The following FMNL2 variants were observed in gnomAD, a reference collection of about 807,000 sequenced individuals.
The protein encoded by FMNL2 is formin like 2, also known as formin-like protein 2.
FMNL2 carries 51 observed loss-of-function variants against 130.2 expected under a neutral mutation model. That is an observed-to-expected ratio of 0.39 (90% CI 0.31 to 0.49). The LOEUF is 0.49. Ranked by LOEUF, FMNL2 falls within the 20% of genes least tolerant of loss-of-function variation. The pLI, the probability that FMNL2 is intolerant of heterozygous loss-of-function variation, is 0.85. For missense variants in FMNL2, 977 were observed against 1,316.2 expected (o/e 0.74, Z 3.99); for synonymous variants, 465 against 467.1 (o/e 1.00, Z 0.06).
chr2:152,574,514 T>G (rs1696367909), intron 6 of FMNL2, among the ~76,000 whole-genome samples: 1 of 152,064 alleles, frequency 6.6e-6, no homozygotes, highest in Non-Finnish European at 1.5e-5. Flanking sequence ...TGTATTAATA[T>G]TTCAAAGTGA....
At chr2:152,593,806 A>G (rs1378751006) in intron 9 of FMNL2, among the ~76,000 whole-genome samples, 3 of 144,638 alleles carry the variant, frequency 2.1e-5, no homozygotes, top group African/African-American at 7.6e-5. Context: ...AAGGTAATGA[A>G]TGAGAGAACA....
intron 1 of FMNL2, among the ~76,000 whole-genome samples, chr2:152,361,145 G>T (rs1683143509): frequency 6.6e-6 from 1 of 152,114 alleles, no homozygotes; most frequent in Non-Finnish European, 1.5e-5. Flanking sequence ...CATTTATATG[G>T]AAAGTACTAC....
intron 2 of FMNL2, among the ~76,000 whole-genome samples, chr2:152,539,003 A>T (rs1694157889): frequency 1.3e-5 from 2 of 152,202 alleles, no homozygotes; most frequent in Non-Finnish European, 2.9e-5. Flanking sequence ...TTGTATTAAA[A>T]GTCGAAACTG....
chr2:152,611,568 A>G lies in FMNL2; in HGVS notation c.1025A>G (p.Tyr342Cys), dbSNP rs370339645. Residue 342 changes from tyrosine (Y) to cysteine (C), a missense_variant, in exon 11 of 26, where the codon TAT (tyrosine) becomes TGT (cysteine). Tyr to Cys is a radical substitution (Grantham distance 194). Transcript: ENST00000288670. ...EDMNFRVHLQ[Y>C]EFTKLGLDEY... is the part of the protein sequence containing the mutation. ...ATGAATTTCAGAGTTCACCTGCAGT[A>G]TGAATTTACCAAATTAGGCCTGGAC... 7.9e-5 allele frequency: 127 copies of G among 1,604,452 alleles called. No individual in the cohort carries two copies. In the African/African-American group the frequency reaches 1.4e-3, roughly 18 times the overall value.
intron 9 of FMNL2, among the ~76,000 whole-genome samples, chr2:152,584,330 A>G (rs1184816768): frequency 6.6e-6 from 1 of 152,222 alleles, no homozygotes; most frequent in Non-Finnish European, 1.5e-5. Context: ...ACCAGGAAGG[A>G]GGACCAAAGA....
At chr2:152,438,275 A>T (rs1687875008) in intron 1 of FMNL2, among the ~76,000 whole-genome samples, 1 of 152,210 alleles carries the variant, frequency 6.6e-6, no homozygotes, top group Non-Finnish European at 1.5e-5. Flanking sequence ...TTTTCTAGGG[A>T]CAGTCATTCC....
chr2:152,518,497 A>C (rs993397041), intron 1 of FMNL2, among the ~76,000 whole-genome samples: 1 of 152,204 alleles, frequency 6.6e-6, no homozygotes, highest in Non-Finnish European at 1.5e-5. Flanking sequence ...CTACCTGCCC[A>C]CTTGAGTGCT....
intron 1 of FMNL2, among the ~76,000 whole-genome samples, chr2:152,430,734 A>C (rs1221875275): frequency 6.6e-6 from 1 of 152,112 alleles, no homozygotes; most frequent in Non-Finnish European, 1.5e-5. Context: ...TTAGCGGGGC[A>C]TGGTGGCACG....
intron 2 of FMNL2, among the ~76,000 whole-genome samples, chr2:152,537,891 T>TAC (rs71394489): frequency 0.24 from 36,373 of 150,678 alleles, 4,629 homozygotes; most frequent in Middle Eastern, 0.34. Flanking sequence ...ACCTTACACA[T>TAC]ACACACACAC....
At chr2:152,540,202 C>T (rs1254008619) in intron 2 of FMNL2, among the ~76,000 whole-genome samples, 1 of 152,094 alleles carries the variant, frequency 6.6e-6, no homozygotes, top group Non-Finnish European at 1.5e-5. Context: ...GAAATAATGA[C>T]TGGCTTCTAG....
intron 13 of FMNL2, 31 bp from the exon 14 acceptor site, chr2:152,618,815 G>C: frequency 1.3e-6 from 2 of 1,535,300 alleles, no homozygotes; most frequent in East Asian, 2.3e-5. Flanking sequence ...GTTATGTGAA[G>C]ATAAACTCTT....
In FMNL2 at chr2:152,551,817, A is replaced by C. The variant is rs534875635; in HGVS notation, c.359+2720A>C. On this transcript the variant is annotated intron_variant, in intron 4 of 25. Transcript: ENST00000288670. ...GATTACTTGAGCCCAAGAGTTTGAG[A>C]CCAGCTTGGGTAACATAGTGAGACC... is the stretch of plus-strand genomic sequence containing the variant. Among the ~76,000 whole-genome samples, 5 of 152,306 alleles carry C rather than the reference A, an allele frequency of 3.3e-5. No homozygotes were observed. In the East Asian group the frequency reaches 7.7e-4, roughly 24 times the overall value.
chr2:152,356,089 A>G (rs1407714965), intron 1 of FMNL2, among the ~76,000 whole-genome samples: 1 of 152,154 alleles, frequency 6.6e-6, no homozygotes, highest in African/African-American at 2.4e-5. Context: ...TATACATTTG[A>G]TTTGAGAAGT....
intron 9 of FMNL2, among the ~76,000 whole-genome samples, chr2:152,604,252 C>T (rs1232818774): frequency 6.6e-6 from 1 of 150,930 alleles, no homozygotes; most frequent in African/African-American, 2.4e-5. Flanking sequence ...CCATCGGGGA[C>T]CTGGTTCTAG....
At chr2:152,538,622 A>C (rs558656543) in intron 2 of FMNL2, among the ~76,000 whole-genome samples, 25 of 152,306 alleles carry the variant, frequency 1.6e-4, no homozygotes, top group African/African-American at 3.4e-4. Flanking sequence ...TAAAACTTTC[A>C]TGGGAACCAT....
At chr2:152,558,626 C>G (rs1370506540) in intron 4 of FMNL2, 114 bp from the exon 5 acceptor site, 1 of 904,790 alleles carries the variant, frequency 1.1e-6, no homozygotes, top group East Asian at 2.6e-5. Flanking sequence ...TCCCTATGTC[C>G]TTTCAGGCAA....
chr2:152,379,791 G>C (rs947227485), intron 1 of FMNL2, among the ~76,000 whole-genome samples: 1 of 152,146 alleles, frequency 6.6e-6, no homozygotes, highest in East Asian at 1.9e-4. Context: ...AAATGCTTGG[G>C]AGATTATAAT....
At chr2:152,634,903 C>CCAG (rs1682456875) in intron 21 of FMNL2, among the ~76,000 whole-genome samples, 1 of 152,030 alleles carries the variant, frequency 6.6e-6, no homozygotes, top group Non-Finnish European at 1.5e-5. Flanking sequence ...CAGCAGCAGA[C>CCAG]CACCAAATGG....
At chr2:152,557,905 AAT>A (rs1695315447) in intron 4 of FMNL2, among the ~76,000 whole-genome samples, 1 of 152,198 alleles carries the variant, frequency 6.6e-6, no homozygotes. Context: ...GTGAAGGTTT[AAT>A]CAGGTACCAT....
Sources: gnomAD v4.1 joint callset for allele counts (sites outside exome capture counted in the v4.1 genomes callset) on GRCh38, gnomAD v4.1.1 for gene constraint, MANE v1.5 for transcripts, NCBI Gene and HGNC (gene_info 2026-07-23, HGNC 2026-07-21) for gene names.